Variants in TARBP1 observed in about 807,000 individuals in gnomAD.
The protein encoded by TARBP1 is tRNA (guanosine(18)-2'-O)-methyltransferase TARBP1.
Under a neutral mutation model 178.6 loss-of-function variants are expected in TARBP1, and 144 were observed. That is an observed-to-expected ratio of 0.81 (90% CI 0.70 to 0.93). TARBP1 has a LOEUF of 0.93. Among genes scored for constraint, TARBP1 ranks in the 40% least tolerant of loss-of-function variants. The pLI is 0.00. For missense variants in TARBP1, 2,067 were observed against 2,011.7 expected, an observed-to-expected ratio of 1.03 and a Z score of -0.53; for synonymous variants, 787 against 781.0, an observed-to-expected ratio of 1.01 and a Z score of -0.13.
At chr1:234,426,156 G>A (rs1216732156) in intron 19 of TARBP1, among the ~76,000 whole-genome samples, 3 of 152,142 alleles carry the variant, frequency 2.0e-5, no homozygotes, top group Admixed American at 1.3e-4. Context: ...TCACTCAGGG[G>A]CATGATACAC....
rs1666749944 is a variant in TARBP1, at chr1:234,451,491, T to C, written c.1723-925A>G. Among the ~76,000 whole-genome samples the C allele has an allele frequency of 2.0e-5, 2 of 102,006 alleles. 1 individual carries two copies. Among genetic ancestry groups the C allele is most frequent in the South Asian group, 5.7e-4 (2 of 3,508 alleles). 66.9% of individuals were successfully genotyped at this position (102,006 alleles called of 152,430 possible). A position where few individuals can be genotyped will look rare whatever the true frequency, so the allele number is the denominator to read the frequency against. On this transcript the variant is annotated intron_variant, in intron 9 of 29. Transcript: ENST00000040877. ...GGCCGGGCGCGGTGGCTCACGCCTG[T>C]AATCCCAGCACTTTGGGAGGCCGAG...
chr1:234,462,581 C>T lies in TARBP1; in HGVS notation c.1399+1256G>A, dbSNP rs557120911. Among the ~76,000 whole-genome samples the T allele has an allele frequency of 7.3e-5, 11 of 151,472 alleles. 1 individual carries two copies. The highest frequency in any genetic ancestry group is 4.2e-4 in the South Asian group (2 of 4,790). ...GCGCATGCCTGTAGTCCCAGCTACT[C>T]GGGAGGCTGAGGCAGGAGAATCACT... On this transcript the variant is annotated intron_variant, in intron 6 of 29. Coordinates refer to ENST00000040877, the MANE Select transcript of TARBP1 (RefSeq NM_005646.4).
Position 234,427,389 on chromosome 1 carries a change from C to G in TARBP1, c.3252-1G>C, listed in dbSNP as rs1431424405. ...GAAGGTCTGTACATCCTGAACAAGTCTTTCCATAAAAAACATTTGATAAAG... is the reference window on the plus strand; with the variant it reads ...GAAGGTCTGTACATCCTGAACAAGTGTTTCCATAAAAAACATTTGATAAAG... On this transcript the variant is annotated splice_acceptor_variant, in intron 18 of 29. Coordinates refer to ENST00000040877, the MANE Select transcript of TARBP1 (RefSeq NM_005646.4). LOFTEE classifies it high-confidence loss of function. 1.2e-6 allele frequency: 2 copies of G among 1,603,460 alleles called. No homozygotes were observed. The highest frequency in any genetic ancestry group is 1.7e-6 in the Non-Finnish European group (2 of 1,176,504).
intron 9 of TARBP1, among the ~76,000 whole-genome samples, chr1:234,451,912 T>G (rs1366129911): frequency 6.6e-6 from 1 of 152,106 alleles, no homozygotes; most frequent in Non-Finnish European, 1.5e-5. Context: ...TGTCTAACAG[T>G]GAGGTCAGCC....
intron 9 of TARBP1, among the ~76,000 whole-genome samples, chr1:234,454,689 C>A (rs1417025649): frequency 6.6e-6 from 1 of 152,182 alleles, no homozygotes; most frequent in Non-Finnish European, 1.5e-5. Flanking sequence ...TAAAATTATA[C>A]TGAAATGCCC....
At chr1:234,412,421 CAA>C (rs746099418) in intron 22 of TARBP1, among the ~76,000 whole-genome samples, 21 of 92,390 alleles carry the variant, frequency 2.3e-4, no homozygotes, top group Admixed American at 2.3e-4. Context: ...GACGCCGTCT[CAA>C]AAAAAAAAAA....
rs1281277488 is a variant in TARBP1 at position 234,472,811 on chromosome 1, C to T, written c.932G>A (p.Gly311Asp). 2 of 1,589,010 alleles carry T rather than the reference C, an allele frequency of 1.3e-6. No individual in the cohort carries two copies. Among genetic ancestry groups the T allele is most frequent in the Admixed American group, 1.9e-5 (1 of 51,846 alleles). The change falls in exon 2 of 30, where the codon GGC becomes GAC. Residue 311 changes from glycine (G) to aspartate (D), a missense_variant and splice_region_variant. Physicochemically the swap from Gly to Asp is moderately conservative, Grantham distance 94. Transcript: ENST00000040877. The stretch of plus-strand genomic sequence containing the variant: ...CTCAGACCACCAAAACAGACTTGGG[C>T]CTGATATGGTTTAAAAAAGAAAATT... ...DCTCGPQEGNGPSLFWWSERK... is the reference protein window; with the variant it reads ...DCTCGPQEGNDPSLFWWSERK...
At chr1:234,398,712 A>G (rs569766239) in intron 25 of TARBP1, among the ~76,000 whole-genome samples, 159 bp from the exon 26 acceptor site, 4 of 152,364 alleles carry the variant, frequency 2.6e-5, no homozygotes, top group African/African-American at 9.6e-5. Context: ...AACTGTCTAT[A>G]TATATTTCTC....
At chr1:234,448,652 C>T (rs1666428285) in intron 10 of TARBP1, 73 bp from the exon 11 acceptor site, 2 of 1,154,100 alleles carry the variant, frequency 1.7e-6, no homozygotes, top group Admixed American at 4.0e-5. Flanking sequence ...AAAAAACCCA[C>T]TAAATGATTA....
At chr1:234,472,932 C>A in intron 1 of TARBP1, 121 bp from the exon 2 acceptor site, 1 of 774,234 alleles carries the variant, frequency 1.3e-6, no homozygotes, top group African/African-American at 1.8e-5. Context: ...AATGGAGGTG[C>A]CCCTGTATCA....
intron 6 of TARBP1, among the ~76,000 whole-genome samples, chr1:234,461,075 T>C (rs1009281035): frequency 2.0e-5 from 3 of 152,202 alleles, no homozygotes; most frequent in African/African-American, 4.8e-5. Context: ...CTGAGGTTTC[T>C]TTTTGAGGGT....
chr1:234,476,690 A>C (rs1669599993), intron 1 of TARBP1, among the ~76,000 whole-genome samples: 1 of 152,250 alleles, frequency 6.6e-6, no homozygotes, highest in African/African-American at 2.4e-5. Context: ...ATTTACAGTC[A>C]TAATTTTATA....
chr1:234,464,385 T>C (rs1002264496), intron 5 of TARBP1, among the ~76,000 whole-genome samples: 2 of 152,238 alleles, frequency 1.3e-5, no homozygotes, highest in Non-Finnish European at 2.9e-5. Flanking sequence ...TATTTAATTG[T>C]TAACATCTAC....
intron 12 of TARBP1, among the ~76,000 whole-genome samples, chr1:234,442,217 A>G (rs2103183869): frequency 6.6e-6 from 1 of 152,330 alleles, no homozygotes; most frequent in South Asian, 2.1e-4. Flanking sequence ...TGCACGATCC[A>G]TAAAACAAAA....
Position 234,478,455 on chromosome 1 carries a change from G to A in TARBP1, c.649C>T (p.Pro217Ser). The part of the protein sequence containing the change: ...LRAVWGGLAA[P>S]GASLGSGRVE... ...CGGCCGGACCCCAGGGACGCCCCAG[G>A]CGCGGCCAGCCCGCCCCACACGGCC... Residue 217 changes from proline to serine, a missense_variant, in exon 1 of 30, where the codon CCT becomes TCT. Transcript: ENST00000040877. The A allele has an allele frequency of 7.2e-7, 1 of 1,386,312 alleles. No homozygotes were observed. The highest frequency in any genetic ancestry group is 9.4e-7 in the Non-Finnish European group (1 of 1,066,478). 85.9% of individuals were successfully genotyped at this position (1,386,312 alleles called of 1,614,324 possible). A position where few individuals can be genotyped will look rare whatever the true frequency, so the allele number is the denominator to read the frequency against.
In TARBP1 at chr1:234,420,808, T is replaced by C; in HGVS notation, c.3449A>G (p.Glu1150Gly). 1 of 1,587,750 alleles carries C rather than the reference T, an allele frequency of 6.3e-7. No homozygotes were observed. Among genetic ancestry groups the C allele is most frequent in the Non-Finnish European group, 8.6e-7 (1 of 1,160,172 alleles). ...GCGTTTTTTGGACTTGGACACTAAT[T>C]CATCCTGGAAAGGAGAAGGGAGGGA... is the stretch of plus-strand genomic sequence containing the variant. ...DLAIKLLDKD[E>G]LVSKSKKRYY... The change falls in exon 21 of 30, where the codon GAA (glutamate) becomes GGA (glycine). Residue 1150 changes from glutamate (E) to glycine (G), a missense_variant. Transcript: ENST00000040877.
rs761045726 is a variant in TARBP1 at position 234,430,104 on chromosome 1, G to T, written c.2592C>A (p.His864Gln). Residue 864 changes from histidine to glutamine, a missense_variant, in exon 15 of 30, where the codon CAC becomes CAA. Physicochemically the swap from His to Gln is conservative, Grantham distance 24 (BLOSUM62 0). Coordinates refer to ENST00000040877, the MANE Select transcript of TARBP1 (RefSeq NM_005646.4). Reference protein sequence around the residue: ...PHAEEQSSYAHPLECSSVLEE... With the variant: ...PHAEEQSSYAQPLECSSVLEE... ...CCCTGTACCTGCTGCACTCCAAGGGGTGAGCATAACTGCTCTGCTCCTCTG... is the reference window on the plus strand; with the variant it reads ...CCCTGTACCTGCTGCACTCCAAGGGTTGAGCATAACTGCTCTGCTCCTCTG... 3 of 1,613,010 alleles carry T rather than the reference G, an allele frequency of 1.9e-6. No individual in the cohort carries two copies. Among genetic ancestry groups the T allele is most frequent in the Non-Finnish European group, 2.5e-6 (3 of 1,179,088 alleles).
At chr1:234,410,153 C>T (rs1399086195) in intron 23 of TARBP1, among the ~76,000 whole-genome samples, 1 of 152,100 alleles carries the variant, frequency 6.6e-6, no homozygotes, top group African/African-American at 2.4e-5. Context: ...AATCCTAATC[C>T]TAAGAATTAT....
At chr1:234,421,520 C>T (rs1167786014) in intron 20 of TARBP1, among the ~76,000 whole-genome samples, 1 of 152,026 alleles carries the variant, frequency 6.6e-6, no homozygotes, top group African/African-American at 2.4e-5. Context: ...CACCTTGTGC[C>T]CCCGTGTCAT....
Sources: allele counts gnomAD v4.1 joint callset (sites outside exome capture counted in the v4.1 genomes callset), GRCh38; gene constraint gnomAD v4.1.1; transcripts MANE v1.5; gene names NCBI Gene and HGNC (gene_info 2026-07-23, HGNC 2026-07-21).